Variants in GPR55 observed in about 807,000 individuals in gnomAD.
GPR55 encodes the protein G protein-coupled receptor 55, also known as G-protein coupled receptor 55.
A neutral mutation model predicts 7.9 loss-of-function variants in GPR55; 6 were observed. The ratio of observed to expected loss-of-function variants is 0.76; its 90% CI spans 0.41 to 1.49. The LOEUF (loss-of-function observed/expected upper bound fraction) is 1.49, where lower values mean the gene tolerates loss of function less well. GPR55 is among the 40% of genes most tolerant of loss of function. GPR55 has a pLI of 0.01. For synonymous variants in GPR55, 183 were observed against 166.8 expected (o/e 1.10, Z -0.75); for missense variants, 376 against 406.0 (o/e 0.93, Z 0.63).
intron 1 of GPR55, among the ~76,000 whole-genome samples, chr2:230,931,658 C>T (rs1180305260): frequency 1.3e-5 from 2 of 152,122 alleles, no homozygotes; most frequent in Admixed American, 1.3e-4. Flanking sequence ...AGGCCCCGAC[C>T]GCTGCACCCA....
chr2:230,957,579 G>C, intron 1 of GPR55: 1 of 414,610 alleles, frequency 2.4e-6, no homozygotes, highest in Non-Finnish European at 4.9e-6. Flanking sequence ...GGGTGGAGGC[G>C]GGGAGTCGTC....
intron 1 of GPR55, among the ~76,000 whole-genome samples, chr2:230,943,508 G>A (rs749298103): frequency 2.0e-5 from 3 of 152,246 alleles, no homozygotes; most frequent in African/African-American, 4.8e-5. Flanking sequence ...GGGGGGCCAA[G>A]CAAGAGAGGC....
chr2:230,950,387 T>G (rs34934859), intron 1 of GPR55, among the ~76,000 whole-genome samples: 3 of 152,210 alleles, frequency 2.0e-5, no homozygotes, highest in Non-Finnish European at 2.9e-5. Context: ...GGCTTTTTTG[T>G]CTTTTTATCT....
chr2:230,946,221 G>A (rs555470158), intron 1 of GPR55, among the ~76,000 whole-genome samples: 6 of 152,320 alleles, frequency 3.9e-5, no homozygotes, highest in African/African-American at 1.4e-4. Context: ...GCTAGGGAGG[G>A]TGTGGAAGGG....
At chr2:230,914,352 G>A (rs1690662237) in intron 1 of GPR55, among the ~76,000 whole-genome samples, 1 of 152,174 alleles carries the variant, frequency 6.6e-6, no homozygotes, top group Admixed American at 6.5e-5. Flanking sequence ...TCAAATGGAA[G>A]CTTCTCAGAG....
intron 1 of GPR55, chr2:230,957,686 GA>G (rs1691513346): frequency 1.8e-6 from 1 of 547,120 alleles, no homozygotes; most frequent in Non-Finnish European, 3.7e-6. Flanking sequence ...CTGTGCCCGG[GA>G]TTCAATATTG....
chr2:230,942,554 G>T (rs1458319460), intron 1 of GPR55, among the ~76,000 whole-genome samples: 1 of 152,182 alleles, frequency 6.6e-6, no homozygotes, highest in Non-Finnish European at 1.5e-5. Context: ...TGCCCTGGTG[G>T]CTGGAGGCCA....
intron 1 of GPR55, 47 bp from the exon 2 acceptor site, chr2:230,911,143 G>C (rs1690584383): frequency 1.6e-6 from 1 of 611,050 alleles, no homozygotes; most frequent in African/African-American, 1.9e-5. Context: ...CTGCCCAGAT[G>C]CAACCACTGT....
chr2:230,925,482 A>AAAAAC (rs1690927011), upstream of GPR55, among the ~76,000 whole-genome samples: 1 of 152,188 alleles, frequency 6.6e-6, no homozygotes, highest in Middle Eastern at 3.4e-3. Context: ...CGCAGCTCCA[A>AAAAAC]AAAACAAAAC....
intron 1 of GPR55, among the ~76,000 whole-genome samples, chr2:230,939,545 C>A (rs1691188629): frequency 6.6e-6 from 1 of 152,204 alleles, no homozygotes; most frequent in African/African-American, 2.4e-5. Context: ...GAGCTGGAAT[C>A]TCATACCACT....
chr2:230,928,391 A>G (rs1194996090), upstream of GPR55: 1 of 152,224 alleles, frequency 6.6e-6, no homozygotes, highest in Non-Finnish European at 1.5e-5. Context: ...CACTCCCCAC[A>G]AAGCAGCTCT....
At chr2:230,945,256 G>C (rs116498778) in intron 1 of GPR55, among the ~76,000 whole-genome samples, 1,679 of 152,254 alleles carry the variant, frequency 0.011, 38 homozygotes, top group African/African-American at 0.039. Flanking sequence ...ATTTGAGGTG[G>C]AAAGAGGCTG....
chr2:230,916,518 T>C (rs1690719877), intron 1 of GPR55, among the ~76,000 whole-genome samples: 1 of 149,288 alleles, frequency 6.7e-6, no homozygotes, highest in African/African-American at 2.5e-5. Context: ...AGTGAGACCC[T>C]CTCTCTAAGA....
chr2:230,909,427 C>T lies in GPR55; in HGVS notation c.*576G>A, dbSNP rs1026059154. ...CTTGGGGTGATCCATGCTACTTGCC[C>T]AGCCCCAACACCACCCCTTCTTGCT... is the stretch of plus-strand genomic sequence containing the variant. On this transcript the variant is annotated 3_prime_UTR_variant, in exon 2 of 2. Coordinates refer to ENST00000650999, the MANE Select transcript of GPR55 (RefSeq NM_005683.4). 2 of 153,220 alleles carry T rather than the reference C, an allele frequency of 1.3e-5. No homozygotes were observed. The highest frequency in any genetic ancestry group is 4.8e-5 in the African/African-American group (2 of 41,464). The allele number at this position is 153,220 out of a possible 1,614,324, so 9.5% of individuals were successfully genotyped here.
intron 1 of GPR55, among the ~76,000 whole-genome samples, chr2:230,956,921 C>CTTT (rs74270934): frequency 6.9e-6 from 1 of 145,678 alleles, no homozygotes; most frequent in South Asian, 2.2e-4. Context: ...TCAGATTAAC[C>CTTT]TTTTTTTTTT....
chr2:230,931,613 G>A (rs747983573), intron 1 of GPR55, among the ~76,000 whole-genome samples: 8 of 152,142 alleles, frequency 5.3e-5, no homozygotes, highest in Non-Finnish European at 1.0e-4. Flanking sequence ...TTGTTAAGAC[G>A]CTGAGCAGGA....
At chr2:230,957,522 C>T (rs1292612575) in intron 1 of GPR55, 3 of 363,586 alleles carry the variant, frequency 8.3e-6, no homozygotes, top group South Asian at 2.2e-5. Context: ...CGGGGAGGGG[C>T]GCGGCTGGCC....
chr2:230,953,951 C>A (rs967108265), intron 1 of GPR55, among the ~76,000 whole-genome samples: 1 of 152,238 alleles, frequency 6.6e-6, no homozygotes, highest in Non-Finnish European at 1.5e-5. Context: ...ATCCCCAAGG[C>A]GAGTCCTCAG....
chr2:230,959,415 C>T (rs1691535900), intron 1 of GPR55, among the ~76,000 whole-genome samples: 1 of 151,908 alleles, frequency 6.6e-6, no homozygotes, highest in East Asian at 1.9e-4. Context: ...CGCCACTGCA[C>T]TCCAGCCTGG....
Sources: gnomAD v4.1 joint callset for allele counts (sites outside exome capture counted in the v4.1 genomes callset) on GRCh38, gnomAD v4.1.1 for gene constraint, MANE v1.5 for transcripts, NCBI Gene and HGNC (gene_info 2026-07-23, HGNC 2026-07-21) for gene names.